RNF103: variants seen among roughly 807,000 people sequenced by gnomAD.
RNF103 encodes E3 ubiquitin-protein ligase RNF103.
A neutral mutation model predicts 66.2 loss-of-function variants in RNF103; 23 were observed. The observed-to-expected ratio is 0.35, with a 90% CI of 0.25 to 0.49. RNF103 has a LOEUF of 0.49. Ranked by LOEUF, RNF103 falls within the 20% of genes least tolerant of loss-of-function variation. RNF103 has a pLI of 0.98. For missense variants in RNF103, 730 were observed against 814.7 expected (o/e 0.90, Z 1.27); for synonymous variants, 297 against 289.9 (o/e 1.02, Z -0.25).
chr2:86,609,091 T>C (rs1678682530), intron 3 of RNF103, among the ~76,000 whole-genome samples: 1 of 152,204 alleles, frequency 6.6e-6, no homozygotes, highest in Non-Finnish European at 1.5e-5. Flanking sequence ...GTCTGGGTCA[T>C]GGAGGTGGAT....
intron 2 of RNF103, 76 bp from the exon 3 acceptor site, chr2:86,612,350 TAATTTCACTTAAAAAA>T (rs1678831697): frequency 1.4e-5 from 10 of 721,098 alleles, no homozygotes; most frequent in Middle Eastern, 2.5e-4. Flanking sequence ...ATCAACAATA[TAATTTCACTTAAAAAA>T]AAAGATATTC....
chr2:86,609,690 A>G lies in RNF103; in HGVS notation c.482+2469T>C, dbSNP rs542288005. ...CGTGAGCCACCACTCAGCCTCAGGT[A>G]TTCTTATACAGCAACACAAAACAGA... is the stretch of plus-strand genomic sequence containing the variant. On this transcript the variant is annotated intron_variant, in intron 3 of 3. Coordinates refer to ENST00000237455, the MANE Select transcript of RNF103 (RefSeq NM_005667.4). Among the ~76,000 whole-genome samples the G allele has an allele frequency of 2.6e-5, 4 of 152,162 alleles. No individual in the cohort carries two copies. The South Asian group carries it at 8.3e-4, about 32-fold the overall frequency.
At chr2:86,605,674 G>C (rs1174979575) in intron 3 of RNF103, among the ~76,000 whole-genome samples, 1 of 152,016 alleles carries the variant, frequency 6.6e-6, no homozygotes, top group Non-Finnish European at 1.5e-5. Flanking sequence ...AAATACTTCA[G>C]CATCTCTCAT....
rs1434822889 is a variant in RNF103 at position 86,622,991 on chromosome 2, T to A, written c.-105A>T. 2.8e-6 allele frequency: 4 copies of A among 1,410,038 alleles called. No individual in the cohort carries two copies. In the East Asian group the frequency reaches 1.1e-4, roughly 40 times the overall value. The allele number at this position is 1,410,038 out of a possible 1,614,324, so 87.3% of individuals were successfully genotyped here. On this transcript the variant is annotated 5_prime_UTR_variant, in exon 1 of 4. Transcript: ENST00000237455. Reference sequence around the variant, plus strand: ...TGGCAGCTTGGGCGAGGGCCCCGTGTCCACGCGCGGGCCACCCGGCGCCGT... The same window carrying A: ...TGGCAGCTTGGGCGAGGGCCCCGTGACCACGCGCGGGCCACCCGGCGCCGT...
intron 3 of RNF103, among the ~76,000 whole-genome samples, chr2:86,606,199 A>G (rs1678538967): frequency 6.6e-6 from 1 of 152,246 alleles, no homozygotes; most frequent in Non-Finnish European, 1.5e-5. Flanking sequence ...CCCATTTTAC[A>G]GCAGATTATA....
At chr2:86,620,638 T>A (rs1679196635) in intron 1 of RNF103, among the ~76,000 whole-genome samples, 169 bp from the exon 2 acceptor site, 3 of 152,188 alleles carry the variant, frequency 2.0e-5, no homozygotes, top group South Asian at 4.1e-4. Flanking sequence ...GAGTCATACA[T>A]TCAATAAATA....
chr2:86,620,241 C>T (rs1448216542), intron 2 of RNF103, 89 bp downstream of exon 2: 25 of 1,385,384 alleles, frequency 1.8e-5, no homozygotes, highest in Admixed American at 7.0e-5. Context: ...CACAAGGACA[C>T]GGAAGTGTCA....
chr2:86,612,106 TAAGA>T, intron 3 of RNF103, 49 bp downstream of exon 3: 1 of 1,191,264 alleles, frequency 8.4e-7, no homozygotes, highest in African/African-American at 1.5e-5. Flanking sequence ...CCTTTTTAAA[TAAGA>T]AAGATCCTGG....
At chr2:86,611,590 G>A (rs1443589583) in intron 3 of RNF103, among the ~76,000 whole-genome samples, 1 of 152,094 alleles carries the variant, frequency 6.6e-6, no homozygotes, top group Non-Finnish European at 1.5e-5. Flanking sequence ...CACCTCTGAG[G>A]ATTCTTATTT....
chr2:86,609,251 T>C (rs1475911976), intron 3 of RNF103, among the ~76,000 whole-genome samples: 1 of 152,154 alleles, frequency 6.6e-6, no homozygotes, highest in Admixed American at 6.5e-5. Flanking sequence ...CCCTTTGACC[T>C]TCTCTACCAT....
Position 86,604,670 on chromosome 2 carries a change from T to C in RNF103, c.1231A>G (p.Met411Val). 6.2e-7 allele frequency: 1 copy of C among 1,614,146 alleles called. No individual in the cohort carries two copies. Among genetic ancestry groups the C allele is most frequent in the Non-Finnish European group, 8.5e-7 (1 of 1,180,022 alleles). ...TLASWVRADW[M>V]FYSSHPALFL... ...AGGGCTGGGTGTGAAGAGTAAAACA[T>C]CCAGTCTGCCCTTACCCATGAAGCC... is the stretch of plus-strand genomic sequence containing the variant. Residue 411 changes from methionine to valine, a missense_variant, in exon 4 of 4, where the codon ATG becomes GTG. By Grantham distance (21) the Met-to-Val change is conservative. Coordinates refer to ENST00000237455, the MANE Select transcript of RNF103 (RefSeq NM_005667.4).
intron 3 of RNF103, among the ~76,000 whole-genome samples, chr2:86,608,106 G>A (rs1337478992): frequency 3.9e-5 from 6 of 152,044 alleles, no homozygotes; most frequent in Non-Finnish European, 7.4e-5. Flanking sequence ...TAAACCTTTT[G>A]AGTTCTCTTA....
Position 86,604,103 on chromosome 2 carries a change from T to C in RNF103, c.1798A>G (p.Thr600Ala), listed in dbSNP as rs776064147. 2 of 1,613,632 alleles carry C rather than the reference T, an allele frequency of 1.2e-6. No homozygotes were observed. Among genetic ancestry groups the C allele is most frequent in the South Asian group, 1.1e-5 (1 of 91,086 alleles). Residue 600 changes from threonine to alanine, a missense_variant, in exon 4 of 4, where the codon ACT becomes GCT. Thr to Ala is a moderately conservative substitution (Grantham distance 58). Transcript: ENST00000237455. ...CAATCAGGTTCCATATCTTCATTAG[T>C]GTTATATGATCCATATGACCTCCCC... is the stretch of plus-strand genomic sequence containing the variant. ...RKGRSYGSYN[T>A]NEDMEPDWLT...
chr2:86,603,751 A>C lies in RNF103; in HGVS notation c.*92T>G. On this transcript the variant is annotated 3_prime_UTR_variant, in exon 4 of 4. Coordinates refer to ENST00000237455, the MANE Select transcript of RNF103 (RefSeq NM_005667.4). ...ATTTCCCGTCACTGCACTAACATTA[A>C]ACTAAACTTCAAACCACAAAAACAT... 1 of 1,498,242 alleles carries C rather than the reference A, an allele frequency of 6.7e-7. No individual in the cohort carries two copies. Among genetic ancestry groups the C allele is most frequent in the Non-Finnish European group, 8.9e-7 (1 of 1,118,516 alleles). 92.8% of individuals were successfully genotyped at this position (1,498,242 alleles called of 1,614,324 possible). A position where few individuals can be genotyped will look rare whatever the true frequency, so the allele number is the denominator to read the frequency against.
intron 2 of RNF103, among the ~76,000 whole-genome samples, chr2:86,615,978 G>T (rs912939645): frequency 6.6e-6 from 1 of 152,160 alleles, no homozygotes; most frequent in Non-Finnish European, 1.5e-5. Context: ...ATTACACAGA[G>T]TCTCTAAAGG....
Position 86,623,517 on chromosome 2 carries a change from C to T in RNF103, c.-631G>A. On this transcript the variant is annotated 5_prime_UTR_variant, in exon 1 of 4. Transcript: ENST00000237455. ...CAGGCCCCAGGCCCCGCCGACCGCC[C>T]AGGCTCCGCGAGAAGAGCGGCGGGC... The T allele has an allele frequency of 5.1e-6, 5 of 984,442 alleles. No homozygotes were observed. Among genetic ancestry groups the T allele is most frequent in the South Asian group, 4.7e-5 (1 of 21,450 alleles). The allele number at this position is 984,442 out of a possible 1,614,324, so 61.0% of individuals were successfully genotyped here.
At position 86,623,200 on chromosome 2, in the gene RNF103, A is replaced by C. The variant is rs1173754647; in HGVS notation, c.-314T>G. ...ACAGAAAGGAGAGGGGCGCGGGGAGAGCTCGCGGGGAAGAACAAAACGAGG... is the reference window on the plus strand; with the variant it reads ...ACAGAAAGGAGAGGGGCGCGGGGAGCGCTCGCGGGGAAGAACAAAACGAGG... On this transcript the variant is annotated 5_prime_UTR_variant, in exon 1 of 4. Transcript: ENST00000237455. The C allele has an allele frequency of 2.9e-6, 3 of 1,030,704 alleles. No individual in the cohort carries two copies. Among genetic ancestry groups the C allele is most frequent in the Non-Finnish European group, 3.5e-6 (3 of 861,456 alleles). The allele number at this position is 1,030,704 out of a possible 1,614,324, so 63.8% of individuals were successfully genotyped here. A position where few individuals can be genotyped will look rare whatever the true frequency, so the allele number is the denominator to read the frequency against.
At chr2:86,613,269 A>AC (rs1355080288) in intron 2 of RNF103, 4 of 152,162 alleles carry the variant, frequency 2.6e-5, no homozygotes, top group Admixed American at 2.6e-4. Flanking sequence ...ATATGTCAAG[A>AC]CTTCTCTTAT....
At chr2:86,610,354 T>TA (rs1400027796) in intron 3 of RNF103, among the ~76,000 whole-genome samples, 1 of 152,212 alleles carries the variant, frequency 6.6e-6, no homozygotes, top group Non-Finnish European at 1.5e-5. Flanking sequence ...TCTCAGCTAA[T>TA]ACAGAATCAG....
Sources: gnomAD v4.1 joint callset for allele counts (sites outside exome capture counted in the v4.1 genomes callset) on GRCh38, gnomAD v4.1.1 for gene constraint, MANE v1.5 for transcripts, NCBI Gene and HGNC (gene_info 2026-07-23, HGNC 2026-07-21) for gene names.